Variants in ZC3H8 observed in about 807,000 individuals in gnomAD.
The protein encoded by ZC3H8 is zinc finger CCCH-type containing 8, also known as zinc finger CCCH domain-containing protein 8.
ZC3H8 carries 27 observed loss-of-function variants against 42.5 expected under a neutral mutation model. The ratio of observed to expected loss-of-function variants is 0.64; its 90% confidence interval spans 0.47 to 0.88. The LOEUF is 0.88. ZC3H8 is among the 40% of genes least tolerant of loss of function. ZC3H8 has a pLI of 0.00. For missense variants in ZC3H8, 277 were observed against 336.1 expected (o/e 0.82, Z 1.37); for synonymous variants, 101 against 110.1 (o/e 0.92, Z 0.52).
At chr2:112,222,920 A>G (rs1684652191) in intron 8 of ZC3H8, among the ~76,000 whole-genome samples, 1 of 152,254 alleles carries the variant, frequency 6.6e-6, no homozygotes, top group South Asian at 2.1e-4. Context: ...CAAATGGTTA[A>G]GATGGTAAAT....
chr2:112,238,754 T>C (rs949424336), intron 2 of ZC3H8, among the ~76,000 whole-genome samples: 4 of 152,192 alleles, frequency 2.6e-5, no homozygotes, highest in African/African-American at 9.6e-5. Flanking sequence ...CACTATGACA[T>C]ATCTATCCTT....
intron 4 of ZC3H8, 59 bp from the exon 5 acceptor site, chr2:112,234,295 C>T: frequency 7.6e-7 from 1 of 1,313,734 alleles, no homozygotes; most frequent in Non-Finnish European, 1.0e-6. Flanking sequence ...ATATTTTATT[C>T]TGTTGCACAA....
chr2:112,222,096 G>A (rs1447881422), intron 8 of ZC3H8, among the ~76,000 whole-genome samples: 3 of 152,058 alleles, frequency 2.0e-5, no homozygotes, highest in Admixed American at 1.3e-4. Flanking sequence ...GGGATCAGTT[G>A]ACTGGCTTAG....
Position 112,249,983 on chromosome 2 carries a change from A to G in ZC3H8, c.156+208T>C, listed in dbSNP as rs1685891603. On this transcript the variant is annotated intron_variant, in intron 2 of 8. Transcript: ENST00000409573. ...TGTCATGTTAAATGACAATAAAGTT[A>G]TTAAATAATAATTTATTTAAAAAGT... 1.1e-5 allele frequency: 4 copies of G among 379,594 alleles called. No homozygotes were observed. In the Admixed American group the frequency reaches 1.8e-4, roughly 17 times the overall value. 23.5% of individuals were successfully genotyped at this position (379,594 alleles called of 1,614,324 possible).
intron 4 of ZC3H8, 41 bp from the exon 5 acceptor site, chr2:112,234,277 A>C (rs769416244): frequency 1.4e-6 from 2 of 1,391,980 alleles, no homozygotes; most frequent in Middle Eastern, 1.8e-4. Context: ...TAAGAAACAG[A>C]AAATTAAATA....
chr2:112,251,719 G>A (rs1685956110), intron 1 of ZC3H8, among the ~76,000 whole-genome samples: 1 of 152,218 alleles, frequency 6.6e-6, no homozygotes, highest in Non-Finnish European at 1.5e-5. Flanking sequence ...ACATGGTGGA[G>A]CTGAGATCTG....
intron 4 of ZC3H8, among the ~76,000 whole-genome samples, chr2:112,235,610 A>C (rs939360150): frequency 6.6e-6 from 1 of 152,144 alleles, no homozygotes; most frequent in Admixed American, 6.5e-5. Flanking sequence ...CATATGACCA[A>C]GCCTAATAAA....
intron 8 of ZC3H8, among the ~76,000 whole-genome samples, chr2:112,224,837 AGTAAAGT>A (rs1684746498): frequency 6.6e-6 from 1 of 152,226 alleles, no homozygotes; most frequent in Admixed American, 6.5e-5. Flanking sequence ...AATGAATTGT[AGTAAAGT>A]GTCACAGGGA....
At chr2:112,232,035 C>G (rs1389520151) in intron 6 of ZC3H8, 88 bp from the exon 7 acceptor site, 2 of 746,572 alleles carry the variant, frequency 2.7e-6, no homozygotes, top group Non-Finnish European at 4.0e-6. Flanking sequence ...TAAATAAAGA[C>G]CTCTGTGGCC....
In ZC3H8 at chr2:112,227,055, G is replaced by C. The variant is rs142669261; in HGVS notation, c.*15+3848C>G. Among the ~76,000 whole-genome samples, 151 of 152,294 alleles carry C rather than the reference G, an allele frequency of 9.9e-4. 1 individual carries two copies. The highest frequency in any genetic ancestry group is 1.8e-3 in the Non-Finnish European group (122 of 68,028). On this transcript the variant is annotated intron_variant, in intron 8 of 8. Coordinates refer to ENST00000409573, the MANE Select transcript of ZC3H8 (RefSeq NM_032494.3). Reference sequence around the variant, plus strand: ...AATAGGAGAGAACCTCCTTCAACTAGAGTATCTATAAAAACCTACAGCTAA... The same window carrying C: ...AATAGGAGAGAACCTCCTTCAACTACAGTATCTATAAAAACCTACAGCTAA...
chr2:112,239,268 T>C (rs1418847921), intron 2 of ZC3H8, among the ~76,000 whole-genome samples: 2 of 152,226 alleles, frequency 1.3e-5, no homozygotes. Flanking sequence ...TGGTTACATG[T>C]GTTTCTACAC....
At chr2:112,220,180 T>C (rs1684522225) in intron 8 of ZC3H8, among the ~76,000 whole-genome samples, 1 of 152,220 alleles carries the variant, frequency 6.6e-6, no homozygotes, top group Non-Finnish European at 1.5e-5. Context: ...GCAGATTTGA[T>C]CCTGTCATAA....
chr2:112,231,618 T>G (rs1685093734), intron 7 of ZC3H8, among the ~76,000 whole-genome samples: 1 of 152,188 alleles, frequency 6.6e-6, no homozygotes, highest in South Asian at 2.1e-4. Context: ...TTTACATCTT[T>G]CCAACTTAAA....
At chr2:112,253,323 T>C (rs1369103165) in intron 1 of ZC3H8, among the ~76,000 whole-genome samples, 5 of 151,988 alleles carry the variant, frequency 3.3e-5, no homozygotes. Flanking sequence ...TCTTCTTCAT[T>C]TACTACTATA....
intron 6 of ZC3H8, among the ~76,000 whole-genome samples, chr2:112,232,155 C>CA (rs1313582628): frequency 6.6e-6 from 1 of 151,604 alleles, no homozygotes; most frequent in Admixed American, 6.6e-5. Flanking sequence ...ACTAAAAATC[C>CA]AAAAAAATTA....
rs768873605 is a variant in ZC3H8, at chr2:112,230,911, G to A, written c.*7C>T. The A allele has an allele frequency of 7.8e-7, 1 of 1,281,510 alleles. No homozygotes were observed. Among genetic ancestry groups the A allele is most frequent in the South Asian group, 1.5e-5 (1 of 65,452 alleles). The allele number at this position is 1,281,510 out of a possible 1,614,324, so 79.4% of individuals were successfully genotyped here. A position where few individuals can be genotyped will look rare whatever the true frequency, so the allele number is the denominator to read the frequency against. On this transcript the variant is annotated 3_prime_UTR_variant, in exon 8 of 9. Transcript: ENST00000409573. ...GTAAATTCTAATTTTACCTTTTTAT[G>A]TCTATTTTATTTACATGACTTCTTT...
intron 1 of ZC3H8, among the ~76,000 whole-genome samples, chr2:112,251,279 G>A (rs769106916): frequency 6.6e-6 from 1 of 152,182 alleles, no homozygotes; most frequent in Non-Finnish European, 1.5e-5. Context: ...TGGCTCCGTG[G>A]CTGTTCTTTC....
chr2:112,254,875 C>T (rs777360916), intron 1 of ZC3H8, 33 bp downstream of exon 1: 1 of 1,608,540 alleles, frequency 6.2e-7, no homozygotes, highest in African/African-American at 1.3e-5. Context: ...CGCTGAGCCC[C>T]TGCATTCAAA....
chr2:112,254,416 G>A (rs1160760120), intron 1 of ZC3H8, among the ~76,000 whole-genome samples: 2 of 152,314 alleles, frequency 1.3e-5, no homozygotes, highest in Middle Eastern at 3.4e-3. Context: ...GTGGACTAAT[G>A]GCAGAGTATT....
Sources: gnomAD v4.1 joint callset for allele counts (sites outside exome capture counted in the v4.1 genomes callset) on GRCh38, gnomAD v4.1.1 for gene constraint, MANE v1.5 for transcripts, NCBI Gene and HGNC (gene_info 2026-07-23, HGNC 2026-07-21) for gene names.